The following FAM117B variants were observed in gnomAD, a reference collection of about 807,000 sequenced individuals.
The protein encoded by FAM117B is protein FAM117B.
Under a neutral mutation model 52.8 loss-of-function variants are expected in FAM117B, and 22 were observed. The ratio of observed to expected loss-of-function variants is 0.42; its 90% CI spans 0.30 to 0.59. The LOEUF is 0.59. Among genes scored for constraint, FAM117B ranks in the 20% least tolerant of loss-of-function variants. The probability of loss-of-function intolerance (pLI) is 0.22; values close to 1 mark genes in which losing one functional copy is unlikely to be tolerated. For missense variants in FAM117B, 678 were observed against 802.6 expected, an observed-to-expected ratio of 0.84 and a Z score of 1.88; for synonymous variants, 309 against 324.1, an observed-to-expected ratio of 0.95 and a Z score of 0.50.
chr2:202,709,158 C>T (rs1690921235), intron 2 of FAM117B, among the ~76,000 whole-genome samples: 1 of 150,276 alleles, frequency 6.7e-6, no homozygotes, highest in Non-Finnish European at 1.5e-5. Context: ...GGAGAAATGT[C>T]TATTCAAGTC....
At chr2:202,666,659 G>A (rs1041202753) in intron 1 of FAM117B, among the ~76,000 whole-genome samples, 5 of 144,244 alleles carry the variant, frequency 3.5e-5, no homozygotes, top group South Asian at 2.1e-4. Context: ...AACATGTTTC[G>A]TTTCATTTCT....
chr2:202,650,235 A>G (rs1689936998), intron 1 of FAM117B, among the ~76,000 whole-genome samples: 1 of 152,188 alleles, frequency 6.6e-6, no homozygotes, highest in African/African-American at 2.4e-5. Flanking sequence ...AATTGATAGG[A>G]TTTGTTAACT....
chr2:202,733,911 T>C (rs1308245502), intron 4 of FAM117B, among the ~76,000 whole-genome samples: 1 of 152,256 alleles, frequency 6.6e-6, no homozygotes, highest in Non-Finnish European at 1.5e-5. Context: ...GAGTATTATT[T>C]GGGAACTGAT....
intron 6 of FAM117B, among the ~76,000 whole-genome samples, chr2:202,758,274 G>T (rs1317903117): frequency 1.3e-5 from 2 of 152,180 alleles, no homozygotes; most frequent in Non-Finnish European, 2.9e-5. Context: ...ATTCACTGAA[G>T]AAGTTACTTT....
chr2:202,687,707 A>C (rs1326099841), intron 1 of FAM117B, among the ~76,000 whole-genome samples: 1 of 152,196 alleles, frequency 6.6e-6, no homozygotes, highest in Non-Finnish European at 1.5e-5. Flanking sequence ...CACTGTACCC[A>C]GCCTGGTACA....
chr2:202,743,956 G>A (rs1285203936), intron 4 of FAM117B, among the ~76,000 whole-genome samples: 1 of 152,204 alleles, frequency 6.6e-6, no homozygotes, highest in Non-Finnish European at 1.5e-5. Flanking sequence ...AACCTATTGA[G>A]TGAAGTAATA....
chr2:202,654,094 A>AGT (rs768540727), intron 1 of FAM117B, among the ~76,000 whole-genome samples: 29 of 147,508 alleles, frequency 2.0e-4, no homozygotes, highest in Admixed American at 1.7e-3. Context: ...AGAGAGAGAG[A>AGT]GAGTGAGAGT....
intron 4 of FAM117B, among the ~76,000 whole-genome samples, chr2:202,751,452 T>A (rs1410064201): frequency 6.6e-6 from 1 of 152,144 alleles, no homozygotes; most frequent in East Asian, 1.9e-4. Flanking sequence ...GATCTATGGA[T>A]ATGGCTAAGA....
intron 2 of FAM117B, among the ~76,000 whole-genome samples, chr2:202,724,120 C>T (rs549911915): frequency 1.1e-4 from 15 of 135,104 alleles, no homozygotes; most frequent in African/African-American, 3.1e-4. Flanking sequence ...TACGGTGGCA[C>T]GATCTCGGCT....
intron 2 of FAM117B, among the ~76,000 whole-genome samples, chr2:202,718,253 A>C (rs542586604): frequency 6.6e-6 from 1 of 152,194 alleles, no homozygotes; most frequent in Non-Finnish European, 1.5e-5. Flanking sequence ...GAGAACCCCA[A>C]CAGTCTGCTT....
At chr2:202,713,969 AG>A (rs1474881232) in intron 2 of FAM117B, among the ~76,000 whole-genome samples, 1 of 152,244 alleles carries the variant, frequency 6.6e-6, no homozygotes, top group African/African-American at 2.4e-5. Context: ...GGCCTCCCCA[AG>A]TGCTAGGATT....
At chr2:202,702,593 G>A (rs929882499) in intron 2 of FAM117B, among the ~76,000 whole-genome samples, 5 of 151,770 alleles carry the variant, frequency 3.3e-5, no homozygotes, top group South Asian at 4.2e-4. Context: ...TTGCTCTGTC[G>A]CCCAGGCTGG....
At chr2:202,641,277 T>C (rs1689765459) in intron 1 of FAM117B, among the ~76,000 whole-genome samples, 1 of 152,172 alleles carries the variant, frequency 6.6e-6, no homozygotes, top group Non-Finnish European at 1.5e-5. Flanking sequence ...CTTAGAGGTG[T>C]GAAAATAAGC....
chr2:202,653,248 A>G (rs1217496057), intron 1 of FAM117B, among the ~76,000 whole-genome samples: 1 of 152,210 alleles, frequency 6.6e-6, no homozygotes, highest in East Asian at 1.9e-4. Context: ...TGCCTGGGCA[A>G]CAGAGTAAGA....
chr2:202,766,097 CA>C lies in FAM117B; in HGVS notation c.*334del, dbSNP rs1691975773. ...ACACACACACACACACACACACACA[CA>C]CACACACACCCCTGATCCTTGCCAA... On this transcript the variant is annotated 3_prime_UTR_variant, in exon 8 of 8. Transcript: ENST00000392238. The C allele has an allele frequency of 4.1e-4, 97 of 238,108 alleles. No homozygotes were observed. Among genetic ancestry groups the C allele is most frequent in the South Asian group, 5.7e-4 (8 of 14,084 alleles). The allele number at this position is 238,108 out of a possible 1,614,324, so 14.7% of individuals were successfully genotyped here.
chr2:202,709,655 A>C (rs1176198024), intron 2 of FAM117B, among the ~76,000 whole-genome samples: 3 of 152,174 alleles, frequency 2.0e-5, no homozygotes, highest in African/African-American at 7.2e-5. Context: ...TGTGTTGTGC[A>C]TAAGCTTTTT....
At position 202,757,299 on chromosome 2, in the gene FAM117B, T is replaced by C; in HGVS notation, c.1191T>C (p.Pro397=). 1 of 1,614,070 alleles carries C rather than the reference T, an allele frequency of 6.2e-7. No homozygotes were observed. Among genetic ancestry groups the C allele is most frequent in the Non-Finnish European group, 8.5e-7 (1 of 1,180,022 alleles). Residue 397 remains proline, a synonymous_variant, in exon 6 of 8, where the codon CCT becomes CCC. Coordinates refer to ENST00000392238, the MANE Select transcript of FAM117B (RefSeq NM_173511.4). Reference sequence around the variant, plus strand: ...CGCGCAGCATTGACACACAGACGCCTGGTGGGGCAGACAGGGGAAGCAACA... The same window carrying C: ...CGCGCAGCATTGACACACAGACGCCCGGTGGGGCAGACAGGGGAAGCAACA... ...SSTRSIDTQT[P]GGADRGSNNS...
chr2:202,740,578 C>G (rs1691517569), intron 4 of FAM117B, among the ~76,000 whole-genome samples: 1 of 152,050 alleles, frequency 6.6e-6, no homozygotes, highest in African/African-American at 2.4e-5. Context: ...CAGCTGCTGC[C>G]TAATTATTAC....
intron 1 of FAM117B, among the ~76,000 whole-genome samples, chr2:202,660,778 C>T (rs1192406193): frequency 6.6e-6 from 1 of 152,238 alleles, no homozygotes; most frequent in African/African-American, 2.4e-5. Flanking sequence ...CCTGGTTTCT[C>T]TCTGCACTGT....
Sources: gnomAD v4.1 joint callset for allele counts (sites outside exome capture counted in the v4.1 genomes callset) on GRCh38, gnomAD v4.1.1 for gene constraint, MANE v1.5 for transcripts, NCBI Gene and HGNC (gene_info 2026-07-23, HGNC 2026-07-21) for gene names.